UGT2B10: variants seen among roughly 807,000 people sequenced by gnomAD.
UGT2B10 encodes the protein UDP glucuronosyltransferase family 2 member B10.
UGT2B10 carries 51 observed loss-of-function variants against 43.7 expected under a neutral mutation model. The observed-to-expected ratio is 1.17, with a 90% CI of 0.93 to 1.47. The LOEUF is 1.47. Among genes scored for constraint, UGT2B10 ranks in the 40% most tolerant of loss-of-function variants. The pLI, the probability that UGT2B10 is intolerant of heterozygous loss-of-function variation, is 0.00. For missense variants in UGT2B10, 696 were observed against 617.7 expected, an observed-to-expected ratio of 1.13 and a Z score of -1.34; for synonymous variants, 225 against 209.0, an observed-to-expected ratio of 1.08 and a Z score of -0.66.
intron 2 of UGT2B10, among the ~76,000 whole-genome samples, chr4:68,818,884 A>G (rs1033127730): frequency 6.6e-6 from 1 of 151,898 alleles, no homozygotes; most frequent in African/African-American, 2.4e-5. Flanking sequence ...ATTTATTAAG[A>G]ACATTGAAAA....
In UGT2B10 at chr4:68,816,757, G is replaced by A. The variant is rs767187675; in HGVS notation, c.718+20G>A. 1.9e-6 allele frequency: 3 copies of A among 1,548,126 alleles called. No individual in the cohort carries two copies. The highest frequency in any genetic ancestry group is 2.6e-6 in the Non-Finnish European group (3 of 1,143,968). On this transcript the variant is annotated intron_variant, in intron 1 of 5. Transcript: ENST00000265403. ...TTTTAGGTAAGATTTTTTTCAATTA[G>A]TAACATGAAGCTCTAACTTATTTGT...
chr4:68,825,680 T>C (rs1737737493), intron 3 of UGT2B10, among the ~76,000 whole-genome samples: 1 of 152,138 alleles, frequency 6.6e-6, no homozygotes, highest in Non-Finnish European at 1.5e-5. Flanking sequence ...TTATTCTTTT[T>C]ATGGCTGCAT....
chr4:68,822,541 C>G (rs1170163331), intron 3 of UGT2B10, 139 bp downstream of exon 3: 1 of 1,536,194 alleles, frequency 6.5e-7, no homozygotes, highest in African/African-American at 1.4e-5. Flanking sequence ...GTATAGCATC[C>G]ACTGACAGAA....
chr4:68,822,316 G>C lies in UGT2B10; in HGVS notation c.913G>C (p.Val305Leu). ...VQSSGENGVV[V>L]FSLGSMVSNM... ...GAGCTCTGGAGAAAATGGTGTTGTG[G>C]TGTTTTCTCTGGGGTCAATGGTCAG... Residue 305 changes from valine to leucine, a missense_variant, in exon 3 of 6, where the codon GTG (valine) becomes CTG (leucine). Physicochemically the swap from Val to Leu is conservative, Grantham distance 32. Transcript: ENST00000265403. 6.2e-7 allele frequency: 1 copy of C among 1,613,408 alleles called. No homozygotes were observed. The highest frequency in any genetic ancestry group is 8.5e-7 in the Non-Finnish European group (1 of 1,179,810).
intron 3 of UGT2B10, among the ~76,000 whole-genome samples, chr4:68,824,182 G>GAGAA (rs1342009602): frequency 6.6e-6 from 1 of 152,230 alleles, no homozygotes; most frequent in East Asian, 1.9e-4. Flanking sequence ...CTACTATTCA[G>GAGAA]AGAAAGAGTG....
At chr4:68,823,503 T>C (rs1016726866) in intron 3 of UGT2B10, among the ~76,000 whole-genome samples, 36 of 152,126 alleles carry the variant, frequency 2.4e-4, no homozygotes, top group East Asian at 5.8e-4. Context: ...CCACACTCTG[T>C]CTCAAAAAAA....
chr4:68,824,204 C>A (rs1210419781), intron 3 of UGT2B10, among the ~76,000 whole-genome samples: 1 of 152,174 alleles, frequency 6.6e-6, no homozygotes, highest in African/African-American at 2.4e-5. Flanking sequence ...CCTAGGCCAA[C>A]AGACAACTAG....
intron 3 of UGT2B10, among the ~76,000 whole-genome samples, chr4:68,825,306 T>C (rs540421775): frequency 7.2e-5 from 11 of 151,816 alleles, no homozygotes; most frequent in African/African-American, 2.2e-4. Flanking sequence ...TTTTTTATAA[T>C]ATTTTTATTT....
At chr4:68,829,434 T>G (rs1437514808) in intron 5 of UGT2B10, among the ~76,000 whole-genome samples, 6 of 152,232 alleles carry the variant, frequency 3.9e-5, no homozygotes, top group African/African-American at 1.2e-4. Flanking sequence ...ATGTTCAAGA[T>G]GATCTTCCAT....
At position 68,816,522 on chromosome 4, in the gene UGT2B10, T is replaced by G; in HGVS notation, c.503T>G (p.Val168Gly). The stretch of plus-strand genomic sequence containing the variant: ...GCTGAGCTATTTAACATACCCTTTG[T>G]GTACAGTCACAGCTTCAGTCCTGGC... The part of the protein sequence containing the change: ...LLAELFNIPF[V>G]YSHSFSPGYS... Residue 168 changes from valine (V) to glycine (G), a missense_variant, in exon 1 of 6, where the codon GTG becomes GGG. Val to Gly is a moderately radical substitution (Grantham distance 109). Transcript: ENST00000265403. The G allele has an allele frequency of 1.2e-6, 2 of 1,613,222 alleles. No individual in the cohort carries two copies. The highest frequency in any genetic ancestry group is 1.7e-6 in the Non-Finnish European group (2 of 1,179,408).
intron 2 of UGT2B10, among the ~76,000 whole-genome samples, chr4:68,820,976 C>A (rs1376772379): frequency 6.6e-6 from 1 of 152,062 alleles, no homozygotes; most frequent in Non-Finnish European, 1.5e-5. Context: ...GGCATCAAGC[C>A]AGTAAGATGA....
Position 68,831,029 on chromosome 4 carries a change from C to A in UGT2B10, c.*150C>A. On this transcript the variant is annotated 3_prime_UTR_variant, in exon 6 of 6. Transcript: ENST00000265403. Reference sequence around the variant, plus strand: ...CCTTGTCAAGTAAAAATTTGTTTTTCAGAGATTTACCACCCAGTTAATGGT... The same window carrying A: ...CCTTGTCAAGTAAAAATTTGTTTTTAAGAGATTTACCACCCAGTTAATGGT... The A allele has an allele frequency of 4.8e-6, 5 of 1,048,814 alleles. No homozygotes were observed. Among genetic ancestry groups the A allele is most frequent in the Non-Finnish European group, 6.8e-6 (5 of 736,886 alleles). 65.0% of individuals were successfully genotyped at this position (1,048,814 alleles called of 1,614,324 possible).
chr4:68,816,457 C>G lies in UGT2B10; in HGVS notation c.438C>G (p.Ile146Met). Residue 146 changes from isoleucine to methionine, a missense_variant, in exon 1 of 6, where the codon ATC becomes ATG. Transcript: ENST00000265403. ...AACTACAAGAGTCAAGATTTGACAT[C>G]GTTTTTGCAGATGCTTATTTACCCT... Reference protein sequence around the residue: ...MKKLQESRFDIVFADAYLPCG... With the variant: ...MKKLQESRFDMVFADAYLPCG... 2 of 1,613,152 alleles carry G rather than the reference C, an allele frequency of 1.2e-6. No individual in the cohort carries two copies. Among genetic ancestry groups the G allele is most frequent in the South Asian group, 1.1e-5 (1 of 91,058 alleles).
rs746743089 is a variant in UGT2B10 at position 68,827,487 on chromosome 4, T to C, written c.1246T>C (p.Phe416Leu). The C allele has an allele frequency of 1.9e-6, 3 of 1,613,360 alleles. No individual in the cohort carries two copies. The South Asian group carries it at 3.3e-5, about 18-fold the overall frequency. Residue 416 changes from phenylalanine (F) to leucine (L), a missense_variant, in exon 5 of 6, where the codon TTC becomes CTC. Physicochemically the swap from Phe to Leu is conservative, Grantham distance 22 (BLOSUM62 0). Coordinates refer to ENST00000265403, the MANE Select transcript of UGT2B10 (RefSeq NM_001075.6). ...KAKGAAVRVD[F>L]NTMSSTDLLN... ...CAAGGGAGCAGCTGTTAGAGTGGAC[T>C]TCAACACAATGTCGAGTACAGACCT...
chr4:68,821,527 G>A (rs1737495911), intron 2 of UGT2B10, among the ~76,000 whole-genome samples: 1 of 152,036 alleles, frequency 6.6e-6, no homozygotes, highest in Non-Finnish European at 1.5e-5. Context: ...AACCTGAAAG[G>A]TACAATTATT....
intron 2 of UGT2B10, among the ~76,000 whole-genome samples, chr4:68,820,328 C>T (rs1338703749): frequency 1.3e-5 from 2 of 151,840 alleles, no homozygotes; most frequent in Non-Finnish European, 2.9e-5. Flanking sequence ...ATATTAGATT[C>T]TCAGATAATT....
chr4:68,817,958 AC>A, intron 1 of UGT2B10, 70 bp from the exon 2 acceptor site: 1 of 1,555,420 alleles, frequency 6.4e-7, no homozygotes, highest in Non-Finnish European at 8.6e-7. Context: ...CATTATTCTA[AC>A]CCCTTTCAGA....
At position 68,816,026 on chromosome 4, in the gene UGT2B10, C is replaced by T; in HGVS notation, c.7C>T (p.Leu3=). Residue 3 remains leucine (L), a synonymous_variant, in exon 1 of 6, where the codon CTG becomes TTG. Transcript: ENST00000265403. MA[L]KWTTVLLIQL... is the part of the protein sequence containing the mutation. ...ATTATCACATTGCACAAGGATGGCT[C>T]TGAAATGGACTACAGTTCTGCTGAT... 1 of 1,612,620 alleles carries T rather than the reference C, an allele frequency of 6.2e-7. No individual in the cohort carries two copies. Among genetic ancestry groups the T allele is most frequent in the African/African-American group, 1.3e-5 (1 of 74,942 alleles).
In UGT2B10 at chr4:68,826,456, A is replaced by G. The variant is rs1737783236; in HGVS notation, c.1046A>G (p.Asn349Ser). The part of the protein sequence containing the change: ...DGNKPDALGL[N>S]TRLYKWIPQN... ...AATAAACCAGATGCCTTAGGTCTCA[A>G]TACTCGACTGTACAAGTGGATACCC... Residue 349 changes from asparagine (N) to serine (S), a missense_variant, in exon 4 of 6, where the codon AAT becomes AGT. Asn to Ser is a conservative substitution (Grantham distance 46). Transcript: ENST00000265403. 4 of 1,612,558 alleles carry G rather than the reference A, an allele frequency of 2.5e-6. No homozygotes were observed. Among genetic ancestry groups the G allele is most frequent in the Non-Finnish European group, 3.4e-6 (4 of 1,179,216 alleles).
Sources: allele counts gnomAD v4.1 joint callset (sites outside exome capture counted in the v4.1 genomes callset), GRCh38; gene constraint gnomAD v4.1.1; transcripts MANE v1.5; gene names NCBI Gene and HGNC (gene_info 2026-07-23, HGNC 2026-07-21).